Variants in KCNQ3 observed in about 807,000 individuals in gnomAD.
The protein encoded by KCNQ3 is potassium voltage-gated channel subfamily Q member 3.
Under a neutral mutation model 92.5 loss-of-function variants are expected in KCNQ3, and 30 were observed. The ratio of observed to expected loss-of-function variants is 0.32; its 90% CI spans 0.24 to 0.44. The LOEUF (loss-of-function observed/expected upper bound fraction) is 0.44, where lower values mean the gene tolerates loss of function less well. Among genes scored for constraint, KCNQ3 ranks in the 20% least tolerant of loss-of-function variants. The probability of loss-of-function intolerance (pLI) is 1.00; values close to 1 mark genes in which losing one functional copy is unlikely to be tolerated. For missense variants in KCNQ3, 913 were observed against 1,140.3 expected, an observed-to-expected ratio of 0.80 and a Z score of 2.87; for synonymous variants, 450 against 468.8, an observed-to-expected ratio of 0.96 and a Z score of 0.52.
chr8:132,276,103 G>T (rs1170537500), intron 1 of KCNQ3, among the ~76,000 whole-genome samples: 1 of 152,154 alleles, frequency 6.6e-6, no homozygotes, highest in Admixed American at 6.5e-5. Context: ...CACAGAATAG[G>T]CCTTTGATTC....
At chr8:132,380,603 C>A (rs888342836) in intron 1 of KCNQ3, among the ~76,000 whole-genome samples, 1 of 152,104 alleles carries the variant, frequency 6.6e-6, no homozygotes, top group Non-Finnish European at 1.5e-5. Context: ...CCACCCTTCA[C>A]ACCCACACAC....
chr8:132,302,773 C>T (rs762955887), intron 1 of KCNQ3, among the ~76,000 whole-genome samples: 2 of 152,162 alleles, frequency 1.3e-5, no homozygotes, highest in Non-Finnish European at 1.5e-5. Flanking sequence ...GTCATAATGG[C>T]TCTACCTAAT....
intron 1 of KCNQ3, among the ~76,000 whole-genome samples, chr8:132,265,136 T>C (rs971020785): frequency 2.0e-5 from 3 of 152,210 alleles, no homozygotes; most frequent in African/African-American, 4.8e-5. Context: ...ACACAGCACA[T>C]AGTAGGTGCT....
At chr8:132,269,449 G>T (rs563306796) in intron 1 of KCNQ3, among the ~76,000 whole-genome samples, 1 of 152,192 alleles carries the variant, frequency 6.6e-6, no homozygotes, top group East Asian at 1.9e-4. Flanking sequence ...GGTTGTTTCA[G>T]CACCATTTGT....
At chr8:132,167,867 A>G (rs1467343200) in intron 8 of KCNQ3, among the ~76,000 whole-genome samples, 1 of 152,226 alleles carries the variant, frequency 6.6e-6, no homozygotes, top group Non-Finnish European at 1.5e-5. Flanking sequence ...TTGGTTCTGC[A>G]TCCAAAGTGT....
At chr8:132,189,987 G>C (rs969555987) in intron 1 of KCNQ3, among the ~76,000 whole-genome samples, 7 of 148,626 alleles carry the variant, frequency 4.7e-5, no homozygotes, top group Non-Finnish European at 8.9e-5. Context: ...AAAATCTTAA[G>C]TTCTTGGTCC....
At chr8:132,473,262 T>A (rs1822333450) in intron 1 of KCNQ3, among the ~76,000 whole-genome samples, 1 of 145,386 alleles carries the variant, frequency 6.9e-6, no homozygotes, top group Non-Finnish European at 1.5e-5. Context: ...AAAAGGAGAA[T>A]GAGCTAAATA....
At chr8:132,288,462 A>ACCTGT in intron 1 of KCNQ3, among the ~76,000 whole-genome samples, 1 of 152,268 alleles carries the variant, frequency 6.6e-6, no homozygotes, top group East Asian at 1.9e-4. Context: ...CTTTTGGACT[A>ACCTGT]CCTGTTCTTC....
At chr8:132,361,539 C>G (rs976955807) in intron 1 of KCNQ3, among the ~76,000 whole-genome samples, 1 of 152,122 alleles carries the variant, frequency 6.6e-6, no homozygotes, top group Admixed American at 6.5e-5. Context: ...TGCAAGATTA[C>G]TGTTTGTGAG....
chr8:132,459,582 A>G (rs1477899114), intron 1 of KCNQ3, among the ~76,000 whole-genome samples: 1 of 152,122 alleles, frequency 6.6e-6, no homozygotes, highest in African/African-American at 2.4e-5. Flanking sequence ...GAGGGATCTA[A>G]CCCCATGACC....
At chr8:132,234,055 C>G (rs1314300016) in intron 1 of KCNQ3, among the ~76,000 whole-genome samples, 1 of 152,148 alleles carries the variant, frequency 6.6e-6, no homozygotes, top group African/African-American at 2.4e-5. Flanking sequence ...CTAGAACATA[C>G]CAGGACAAAC....
chr8:132,203,721 T>A (rs926931860), intron 1 of KCNQ3, among the ~76,000 whole-genome samples: 5 of 152,216 alleles, frequency 3.3e-5, no homozygotes, highest in African/African-American at 9.6e-5. Flanking sequence ...ATGGGGATAA[T>A]CATTTAAACT....
rs143661774 is a variant in KCNQ3 at position 132,411,054 on chromosome 8, G to C, written c.386+69093C>G. ...TGCTGTTGCCACAGAGGGGCAGCCAGTTCCTGGAGCAGGTGCTGGGACAAC... is the reference window on the plus strand; with the variant it reads ...TGCTGTTGCCACAGAGGGGCAGCCACTTCCTGGAGCAGGTGCTGGGACAAC... On this transcript the variant is annotated intron_variant, in intron 1 of 14. Coordinates refer to ENST00000388996, the MANE Select transcript of KCNQ3 (RefSeq NM_004519.4). 1.9e-3 allele frequency among the ~76,000 whole-genome samples: 287 copies of C among 152,360 alleles called. 1 individual carries two copies. The highest frequency in any genetic ancestry group is 6.3e-3 in the African/African-American group (262 of 41,590).
At position 132,127,732 on chromosome 8, in the gene KCNQ3, A is replaced by C. The variant is rs531974398; in HGVS notation, c.*1530T>G. The C allele has an allele frequency of 1.3e-5, 2 of 152,356 alleles. No individual in the cohort carries two copies. Among genetic ancestry groups the C allele is most frequent in the African/African-American group, 2.4e-5 (1 of 41,576 alleles). The allele number at this position is 152,356 out of a possible 1,614,324, so 9.4% of individuals were successfully genotyped here. On this transcript the variant is annotated 3_prime_UTR_variant, in exon 15 of 15. Transcript: ENST00000388996. ...CATGGTCATTTAGCTAATTCAGTCT[A>C]AGCCTAACAGAAACCTTTTCCATCA...
At chr8:132,318,337 A>C (rs1332139442) in intron 1 of KCNQ3, among the ~76,000 whole-genome samples, 2 of 152,248 alleles carry the variant, frequency 1.3e-5, no homozygotes, top group Non-Finnish European at 2.9e-5. Flanking sequence ...ACATTTGGGA[A>C]AGTCTCAAAG....
chr8:132,381,929 C>T (rs1201497007), intron 1 of KCNQ3, among the ~76,000 whole-genome samples: 2 of 152,222 alleles, frequency 1.3e-5, no homozygotes, highest in Non-Finnish European at 2.9e-5. Context: ...TGTGGGTAGA[C>T]CCCTTCTGGG....
intron 1 of KCNQ3, among the ~76,000 whole-genome samples, chr8:132,403,720 G>A (rs1029720761): frequency 6.6e-6 from 1 of 152,084 alleles, no homozygotes; most frequent in Non-Finnish European, 1.5e-5. Context: ...GCTTCCTCTG[G>A]CACACACAGC....
At chr8:132,198,904 G>A (rs926436625) in intron 1 of KCNQ3, among the ~76,000 whole-genome samples, 1 of 152,078 alleles carries the variant, frequency 6.6e-6, no homozygotes, top group Non-Finnish European at 1.5e-5. Flanking sequence ...GATTGCACAG[G>A]ACAGCAAAAA....
intron 1 of KCNQ3, among the ~76,000 whole-genome samples, chr8:132,302,174 A>C (rs1817235159): frequency 6.6e-6 from 1 of 152,208 alleles, no homozygotes; most frequent in Non-Finnish European, 1.5e-5. Flanking sequence ...ACAGTGGCTG[A>C]AGAGTAGAGA....
Sources: gnomAD v4.1 joint callset for allele counts (sites outside exome capture counted in the v4.1 genomes callset) on GRCh38, gnomAD v4.1.1 for gene constraint, MANE v1.5 for transcripts, NCBI Gene and HGNC (gene_info 2026-07-23, HGNC 2026-07-21) for gene names.